TAOK3: variants seen among roughly 807,000 people sequenced by gnomAD.
The protein encoded by TAOK3 is TAO kinase 3, also known as serine/threonine-protein kinase TAO3.
TAOK3 carries 40 observed loss-of-function variants against 120.4 expected under a neutral mutation model. The observed-to-expected ratio is 0.33, with a 90% CI of 0.26 to 0.43. TAOK3 has a LOEUF of 0.43. TAOK3 is among the 20% of genes least tolerant of loss of function. The pLI is 1.00. For synonymous variants in TAOK3, 355 were observed against 387.5 expected, an observed-to-expected ratio of 0.92 and a Z score of 0.99; for missense variants, 821 against 1,112.1, an observed-to-expected ratio of 0.74 and a Z score of 3.72.
rs1305822231 is a variant in TAOK3 at position 118,371,326 on chromosome 12, G to C, written c.-194+1322C>G. Among the ~76,000 whole-genome samples the C allele has an allele frequency of 2.6e-5, 4 of 152,144 alleles. No homozygotes were observed. The highest frequency in any genetic ancestry group is 1.5e-5 in the Non-Finnish European group (1 of 68,022). The stretch of plus-strand genomic sequence containing the variant: ...TCACCTGACCTTTTCATTAAGATCA[G>C]GAAGCCCCTCGCTTTCAAGACATCC... On this transcript the variant is annotated intron_variant, in intron 1 of 20. Coordinates refer to ENST00000392533, the MANE Select transcript of TAOK3 (RefSeq NM_016281.4). The surrounding 1 kb of genome is among the most constrained non-coding windows in gnomAD (Gnocchi z 5.5).
chr12:118,238,925 C>A (rs958418680), intron 6 of TAOK3, among the ~76,000 whole-genome samples: 1 of 152,174 alleles, frequency 6.6e-6, no homozygotes, highest in Non-Finnish European at 1.5e-5. Context: ...GACTATCTAC[C>A]TCTCTTTCAC....
rs57739118 is a variant in TAOK3, at chr12:118,240,178, CT to C, written c.295-907del. On this transcript the variant is annotated intron_variant, in intron 5 of 20. Coordinates refer to ENST00000392533, the MANE Select transcript of TAOK3 (RefSeq NM_016281.4). ...AAAGTGAGAAACCTCTTTCTTTACT[CT>C]TTTTTTTTTTTTTTTTTTGAGACGG... 4.8e-3 allele frequency among the ~76,000 whole-genome samples: 638 copies of C among 134,284 alleles called. 1 individual carries two copies. The highest frequency in any genetic ancestry group is 6.2e-3 in the African/African-American group (228 of 36,650). 88.1% of individuals were successfully genotyped at this position (134,284 alleles called of 152,430 possible).
chr12:118,245,422 T>C (rs964206194), intron 3 of TAOK3, among the ~76,000 whole-genome samples: 1 of 152,074 alleles, frequency 6.6e-6, no homozygotes, highest in African/African-American at 2.4e-5. Context: ...GTTCAAGCTA[T>C]TCTCCTGCTT....
At chr12:118,362,792 T>C (rs572641923) in intron 1 of TAOK3, among the ~76,000 whole-genome samples, 1 of 152,156 alleles carries the variant, frequency 6.6e-6, no homozygotes, top group African/African-American at 2.4e-5. Flanking sequence ...CCAAGGTAGA[T>C]GGATCGCCTG....
At chr12:118,289,092 G>T (rs1440028356) in intron 1 of TAOK3, among the ~76,000 whole-genome samples, 2 of 151,578 alleles carry the variant, frequency 1.3e-5, no homozygotes, top group African/African-American at 2.4e-5. Context: ...TTGAGGTCAG[G>T]AGTTCAAGAA....
intron 1 of TAOK3, among the ~76,000 whole-genome samples, chr12:118,334,137 C>CAAAA (rs57605394): frequency 3.9e-5 from 3 of 77,636 alleles, no homozygotes; most frequent in East Asian, 3.2e-4. Flanking sequence ...CTCCCATCTC[C>CAAAA]AAAAAAAAAA....
In TAOK3 at chr12:118,323,155, G is replaced by A. The variant is rs972043833; in HGVS notation, c.-194+49493C>T. Among the ~76,000 whole-genome samples the A allele has an allele frequency of 5.3e-5, 8 of 152,130 alleles. No homozygotes were observed. The South Asian group carries it at 1.2e-3, about 24-fold the overall frequency. On this transcript the variant is annotated intron_variant, in intron 1 of 20. Transcript: ENST00000392533. ...GTATATTCAGGTAAAAAGAAAAAAA[G>A]TGTCATGAAGAAGGGCTTGTCCTAT... is the stretch of plus-strand genomic sequence containing the variant.
chr12:118,348,559 T>A (rs979351337), intron 1 of TAOK3, among the ~76,000 whole-genome samples: 1 of 151,818 alleles, frequency 6.6e-6, no homozygotes, highest in Non-Finnish European at 1.5e-5. Flanking sequence ...CACGCCATTC[T>A]CCTGCCTCAA....
intron 1 of TAOK3, among the ~76,000 whole-genome samples, chr12:118,330,190 TAA>T (rs1031716134): frequency 6.6e-6 from 1 of 152,314 alleles, no homozygotes; most frequent in African/African-American, 2.4e-5. Context: ...ACCCTCACTA[TAA>T]AAAGTCAAAG....
At chr12:118,242,184 A>G (rs769673779) in intron 5 of TAOK3, among the ~76,000 whole-genome samples, 38 of 152,212 alleles carry the variant, frequency 2.5e-4, no homozygotes, top group Admixed American at 5.9e-4. Flanking sequence ...TGGATTTTGT[A>G]ACATTTATTC....
At chr12:118,179,971 A>G (rs2036602043) in intron 15 of TAOK3, among the ~76,000 whole-genome samples, 1 of 105,438 alleles carries the variant, frequency 9.5e-6, no homozygotes, top group Non-Finnish European at 1.9e-5. Context: ...TTTGGAGATG[A>G]AGTCTCGCTC....
intron 1 of TAOK3, among the ~76,000 whole-genome samples, chr12:118,339,944 C>A (rs1437517175): frequency 1.3e-5 from 2 of 152,128 alleles, no homozygotes; most frequent in African/African-American, 2.4e-5. Context: ...TCATATTTCA[C>A]AAAATCTTGC....
At chr12:118,228,486 C>A (rs922564468) in intron 9 of TAOK3, among the ~76,000 whole-genome samples, 1 of 152,056 alleles carries the variant, frequency 6.6e-6, no homozygotes, top group African/African-American at 2.4e-5. Context: ...TATAAAAGAA[C>A]TTATAAAATT....
intron 17 of TAOK3, among the ~76,000 whole-genome samples, chr12:118,169,814 G>A (rs1406637888): frequency 1.3e-5 from 2 of 151,648 alleles, no homozygotes; most frequent in African/African-American, 2.4e-5. Flanking sequence ...TCCGCCTCCC[G>A]GGTTCACGCC....
chr12:118,188,733 G>T (rs1345199632), intron 14 of TAOK3, among the ~76,000 whole-genome samples: 1 of 152,188 alleles, frequency 6.6e-6, no homozygotes, highest in Admixed American at 6.5e-5. Flanking sequence ...TTCTGGGTCG[G>T]CCTTGGATGA....
chr12:118,335,692 C>T (rs1362491899), intron 1 of TAOK3, among the ~76,000 whole-genome samples: 12 of 151,866 alleles, frequency 7.9e-5, no homozygotes, highest in Non-Finnish European at 1.6e-4. Context: ...ATTACCCGGG[C>T]GTGGTGGTGG....
intron 16 of TAOK3, among the ~76,000 whole-genome samples, chr12:118,176,383 GCT>G (rs2036328632): frequency 6.6e-6 from 1 of 152,150 alleles, no homozygotes; most frequent in Non-Finnish European, 1.5e-5. Context: ...GAACGAGTAG[GCT>G]AGGAGGGGAC....
chr12:118,185,946 C>G (rs180739027), intron 14 of TAOK3, among the ~76,000 whole-genome samples: 53 of 152,322 alleles, frequency 3.5e-4, no homozygotes, highest in Admixed American at 2.0e-3. Flanking sequence ...CTCTGGTATA[C>G]TGTCCAGGAA....
chr12:118,191,805 A>G (rs1449722666), intron 13 of TAOK3, among the ~76,000 whole-genome samples: 15 of 152,194 alleles, frequency 9.9e-5, no homozygotes, highest in Admixed American at 9.8e-4. Flanking sequence ...ATTCAACTTA[A>G]TATTACAGTG....
Sources: allele counts gnomAD v4.1 joint callset (sites outside exome capture counted in the v4.1 genomes callset), GRCh38; gene constraint gnomAD v4.1.1; non-coding constraint Gnocchi (gnomAD v3.1); transcripts MANE v1.5; gene names NCBI Gene and HGNC (gene_info 2026-07-23, HGNC 2026-07-21).